The following EBF1 variants were observed in gnomAD, a reference collection of about 807,000 sequenced individuals.
EBF1 encodes transcription factor COE1.
Under a neutral mutation model 68.4 loss-of-function variants are expected in EBF1, and 10 were observed. That is an observed-to-expected ratio of 0.15 (90% CI 0.09 to 0.25). EBF1 has a LOEUF of 0.25. Among genes scored for constraint, EBF1 ranks in the 10% least tolerant of loss-of-function variants. EBF1 has a pLI of 1.00. For synonymous variants in EBF1, 298 were observed against 299.8 expected (o/e 0.99, Z 0.06); for missense variants, 509 against 794.4 (o/e 0.64, Z 4.32).
At chr5:158,767,138 C>A (rs1245067352) in intron 10 of EBF1, among the ~76,000 whole-genome samples, 1 of 152,012 alleles carries the variant, frequency 6.6e-6, no homozygotes, top group East Asian at 1.9e-4. Context: ...AAATCTCATG[C>A]CTTAGATTGT....
At chr5:158,784,890 C>A (rs1418507230) in intron 9 of EBF1, among the ~76,000 whole-genome samples, 1 of 152,082 alleles carries the variant, frequency 6.6e-6, no homozygotes, top group Non-Finnish European at 1.5e-5. Flanking sequence ...TCATTGACAC[C>A]CTCTGTGCCT....
intron 6 of EBF1, among the ~76,000 whole-genome samples, chr5:158,927,183 T>C (rs976340537): frequency 2.6e-5 from 4 of 152,242 alleles, no homozygotes; most frequent in African/African-American, 9.6e-5. Flanking sequence ...CACTAGTTCT[T>C]ATCTGTAGAA....
intron 6 of EBF1, among the ~76,000 whole-genome samples, chr5:159,053,617 A>T (rs985785493): frequency 1.3e-5 from 2 of 151,670 alleles, no homozygotes; most frequent in African/African-American, 2.4e-5. Context: ...ACACACACAC[A>T]CACACACACA....
intron 10 of EBF1, among the ~76,000 whole-genome samples, chr5:158,732,549 AC>A (rs1477598243): frequency 6.6e-6 from 1 of 152,172 alleles, no homozygotes; most frequent in Non-Finnish European, 1.5e-5. Context: ...GAGGAAATAA[AC>A]CTTAAAATTC....
intron 4 of EBF1, among the ~76,000 whole-genome samples, chr5:159,094,782 A>C (rs867049459): frequency 3.3e-5 from 5 of 152,068 alleles, no homozygotes; most frequent in Admixed American, 6.5e-5. Flanking sequence ...TCTGCTACTA[A>C]CTCCTCCAAC....
chr5:159,071,011 C>T (rs888534312), intron 6 of EBF1, among the ~76,000 whole-genome samples: 2 of 152,168 alleles, frequency 1.3e-5, no homozygotes, highest in Admixed American at 6.5e-5. Flanking sequence ...TTCTATTTTG[C>T]CCTTTCTTGC....
chr5:159,038,679 C>G (rs946198381), intron 6 of EBF1, among the ~76,000 whole-genome samples: 4 of 152,116 alleles, frequency 2.6e-5, no homozygotes, highest in African/African-American at 9.7e-5. Flanking sequence ...CTGATCACCT[C>G]ATAATATTTG....
chr5:158,714,092 C>T (rs1581240896), intron 12 of EBF1, 25 bp downstream of exon 12: 7 of 1,613,538 alleles, frequency 4.3e-6, no homozygotes, highest in East Asian at 2.2e-5. Context: ...GCAGTCCACA[C>T]AGGCTAGACA....
intron 6 of EBF1, among the ~76,000 whole-genome samples, chr5:158,891,943 T>A (rs543837082): frequency 2.0e-4 from 30 of 152,290 alleles, no homozygotes; most frequent in African/African-American, 7.0e-4. Context: ...TGAGTTACCA[T>A]TCACCTAAGA....
chr5:159,042,148 G>A (rs1771332125), intron 6 of EBF1, among the ~76,000 whole-genome samples: 1 of 152,148 alleles, frequency 6.6e-6, no homozygotes, highest in Admixed American at 6.5e-5. Flanking sequence ...CCATGGCATG[G>A]AGGGATGCAC....
chr5:158,907,801 C>A (rs1035439397), intron 6 of EBF1, among the ~76,000 whole-genome samples: 2 of 151,746 alleles, frequency 1.3e-5, no homozygotes, highest in African/African-American at 4.8e-5. Flanking sequence ...CAACCAAAAC[C>A]AGCACAATCA....
Position 158,698,002 on chromosome 5 carries a change from C to T in EBF1, c.*1109G>A, listed in dbSNP as rs556721667. On this transcript the variant is annotated 3_prime_UTR_variant, in exon 16 of 16. Transcript: ENST00000313708. ...AACTCTTAATTCCAAAGCACTTAAC[C>T]TGTTGTTTCAATCTATTATGTTACA... 4.7e-6 allele frequency: 1 copy of T among 213,026 alleles called. No homozygotes were observed. Among genetic ancestry groups the T allele is most frequent in the African/African-American group, 2.3e-5 (1 of 44,246 alleles). 13.2% of individuals were successfully genotyped at this position (213,026 alleles called of 1,614,324 possible).
intron 9 of EBF1, among the ~76,000 whole-genome samples, chr5:158,783,929 T>A (rs556850740): frequency 1.3e-5 from 2 of 152,232 alleles, no homozygotes; most frequent in African/African-American, 4.8e-5. Context: ...TTAGACAGCC[T>A]CCCATCATAT....
intron 10 of EBF1, among the ~76,000 whole-genome samples, chr5:158,756,097 T>C (rs1770021250): frequency 6.6e-6 from 1 of 152,094 alleles, no homozygotes; most frequent in South Asian, 2.1e-4. Flanking sequence ...ACTTGCTGAA[T>C]GTGTTGGGCT....
chr5:158,719,500 A>G (rs1761485632), intron 11 of EBF1, among the ~76,000 whole-genome samples: 3 of 152,170 alleles, frequency 2.0e-5, no homozygotes, highest in African/African-American at 2.4e-5. Context: ...AGGATTATTC[A>G]CCATCTGTGG....
chr5:158,840,710 C>T (rs1346745059), intron 6 of EBF1, among the ~76,000 whole-genome samples: 2 of 110,710 alleles, frequency 1.8e-5, no homozygotes, highest in Admixed American at 1.4e-4. Context: ...CTCGCTCTGT[C>T]GCCCAGGCTG....
intron 10 of EBF1, among the ~76,000 whole-genome samples, chr5:158,733,520 T>C (rs1286980794): frequency 6.6e-6 from 1 of 152,114 alleles, no homozygotes; most frequent in Non-Finnish European, 1.5e-5. Flanking sequence ...AAAGAACCAA[T>C]TCAAATATCA....
At chr5:158,889,076 G>A (rs955877824) in intron 6 of EBF1, among the ~76,000 whole-genome samples, 1 of 151,990 alleles carries the variant, frequency 6.6e-6, no homozygotes, top group Non-Finnish European at 1.5e-5. Flanking sequence ...AGAAAGACTT[G>A]TAACACTTGT....
intron 10 of EBF1, among the ~76,000 whole-genome samples, chr5:158,744,458 G>T (rs1385100759): frequency 6.6e-6 from 1 of 152,172 alleles, no homozygotes; most frequent in African/African-American, 2.4e-5. Context: ...GGTCTGAGGA[G>T]AAGTTGTAAA....
Sources: gnomAD v4.1 joint callset for allele counts (sites outside exome capture counted in the v4.1 genomes callset) on GRCh38, gnomAD v4.1.1 for gene constraint, MANE v1.5 for transcripts, NCBI Gene and HGNC (gene_info 2026-07-23, HGNC 2026-07-21) for gene names.